The following MBNL1 variants were observed in gnomAD, a reference collection of about 807,000 sequenced individuals.
MBNL1 encodes the protein muscleblind-like protein 1.
Under a neutral mutation model 42.2 loss-of-function variants are expected in MBNL1, and 8 were observed. That is an observed-to-expected ratio of 0.19 (90% CI 0.11 to 0.34). MBNL1 has a LOEUF of 0.34. Among genes scored for constraint, MBNL1 ranks in the 10% least tolerant of loss-of-function variants. MBNL1 has a pLI of 1.00. For missense variants in MBNL1, 309 were observed against 495.3 expected, an observed-to-expected ratio of 0.62 and a Z score of 3.57; for synonymous variants, 169 against 173.9, an observed-to-expected ratio of 0.97 and a Z score of 0.22.
At chr3:152,360,767 T>TATACCATATACCA (rs1308257285) in intron 2 of MBNL1, among the ~76,000 whole-genome samples, 1 of 152,160 alleles carries the variant, frequency 6.6e-6, no homozygotes, top group Non-Finnish European at 1.5e-5. Context: ...TCAAGTAGAT[T>TATACCATATACCA]TTCCAGTTGT....
chr3:152,286,482 A>ATATT (rs570369048), intron 1 of MBNL1, among the ~76,000 whole-genome samples: 48 of 88,312 alleles, frequency 5.4e-4, no homozygotes, highest in African/African-American at 2.1e-3. Context: ...TATAATATAA[A>ATATT]TATATTTTAT....
intron 4 of MBNL1, among the ~76,000 whole-genome samples, chr3:152,433,717 T>C (rs2099039148): frequency 1.4e-5 from 2 of 138,038 alleles, no homozygotes; most frequent in South Asian, 2.3e-4. Flanking sequence ...GCCACTGCAC[T>C]CCAGCCTGGG....
At chr3:152,451,835 G>A (rs1191258086) in intron 6 of MBNL1, among the ~76,000 whole-genome samples, 1 of 151,866 alleles carries the variant, frequency 6.6e-6, no homozygotes, top group Non-Finnish European at 1.5e-5. Flanking sequence ...TTTTCACAAC[G>A]CCCAGAAGGT....
intron 2 of MBNL1, among the ~76,000 whole-genome samples, chr3:152,405,935 A>G (rs1365816890): frequency 6.6e-6 from 1 of 152,162 alleles, no homozygotes; most frequent in Non-Finnish European, 1.5e-5. Flanking sequence ...TAGAAATCTG[A>G]TTGTTGCTGT....
intron 1 of MBNL1, among the ~76,000 whole-genome samples, chr3:152,292,995 C>A (rs2056841606): frequency 6.6e-6 from 1 of 152,104 alleles, no homozygotes; most frequent in Non-Finnish European, 1.5e-5. Context: ...TCTCGAACAC[C>A]TGGCCTCAAG....
At position 152,404,393 on chromosome 3, in the gene MBNL1, A is replaced by G. The variant is rs571861893; in HGVS notation, c.175-10548A>G. ...TGACATAGGTTGTTGGAAACATATT[A>G]CATAATATTATACTTTGAAATTTAT... On this transcript the variant is annotated intron_variant, in intron 2 of 9. Transcript: ENST00000324210. Among the ~76,000 whole-genome samples, 29 of 152,326 alleles carry G rather than the reference A, an allele frequency of 1.9e-4. No homozygotes were observed. In the South Asian group the frequency reaches 2.9e-3, roughly 15 times the overall value.
At chr3:152,309,793 C>CT (rs34404754) in intron 2 of MBNL1, among the ~76,000 whole-genome samples, 17,290 of 152,136 alleles carry the variant, frequency 0.11, 1,201 homozygotes, top group Middle Eastern at 0.17. Context: ...CGTTCATAGA[C>CT]TGGAAATAAG....
intron 2 of MBNL1, among the ~76,000 whole-genome samples, chr3:152,410,557 T>C (rs2098542745): frequency 1.3e-5 from 2 of 152,250 alleles, no homozygotes; most frequent in African/African-American, 4.8e-5. Flanking sequence ...TTTGTTGGAT[T>C]AATTCTATTT....
chr3:152,399,203 G>C (rs899706248), intron 2 of MBNL1, among the ~76,000 whole-genome samples: 1 of 152,254 alleles, frequency 6.6e-6, no homozygotes, highest in African/African-American at 2.4e-5. Context: ...ATACAAATGA[G>C]CTATTCTGAA....
chr3:152,403,206 A>T (rs199743849), intron 2 of MBNL1, among the ~76,000 whole-genome samples: 2 of 40,972 alleles, frequency 4.9e-5, no homozygotes, highest in Non-Finnish European at 1.3e-4. Flanking sequence ...CTGGTTTGTT[A>T]AAAAAAAAAC....
At chr3:152,316,680 A>G (rs2071755025) in intron 2 of MBNL1, among the ~76,000 whole-genome samples, 1 of 152,058 alleles carries the variant, frequency 6.6e-6, no homozygotes, top group African/African-American at 2.4e-5. Flanking sequence ...CTGATTAACA[A>G]CCATTCCTTT....
At chr3:152,335,645 A>G (rs539310394) in intron 2 of MBNL1, among the ~76,000 whole-genome samples, 1 of 151,550 alleles carries the variant, frequency 6.6e-6, no homozygotes, top group Non-Finnish European at 1.5e-5. Context: ...ACAACAGTAG[A>G]TTATAGGATT....
At chr3:152,270,647 C>A (rs2040916196) in intron 1 of MBNL1, among the ~76,000 whole-genome samples, 1 of 152,184 alleles carries the variant, frequency 6.6e-6, no homozygotes, top group Non-Finnish European at 1.5e-5. Context: ...TAGATAGAGG[C>A]ACTGAATAAG....
chr3:152,426,389 A>G (rs1442703356), intron 3 of MBNL1, among the ~76,000 whole-genome samples: 1 of 152,208 alleles, frequency 6.6e-6, no homozygotes, highest in African/African-American at 2.4e-5. Context: ...AAACTTCTGG[A>G]TTCTTTTTCC....
intron 2 of MBNL1, among the ~76,000 whole-genome samples, chr3:152,370,581 T>C (rs1216369209): frequency 1.3e-5 from 2 of 152,210 alleles, no homozygotes; most frequent in Non-Finnish European, 2.9e-5. Flanking sequence ...TTGATCTGTC[T>C]AATATTGACA....
intron 3 of MBNL1, among the ~76,000 whole-genome samples, chr3:152,419,685 T>G (rs1022302520): frequency 7.4e-5 from 11 of 149,194 alleles, no homozygotes; most frequent in African/African-American, 2.2e-4. Flanking sequence ...GCAGGAGTTT[T>G]TTTGTTTGTT....
At chr3:152,458,104 T>C in intron 8 of MBNL1, 1 of 1,609,384 alleles carries the variant, frequency 6.2e-7, no homozygotes, top group Non-Finnish European at 8.5e-7. Context: ...CGATTGGTGT[T>C]GAAGGTCCTT....
chr3:152,310,262 G>A (rs1410569739), intron 2 of MBNL1, among the ~76,000 whole-genome samples: 1 of 152,144 alleles, frequency 6.6e-6, no homozygotes, highest in African/African-American at 2.4e-5. Context: ...TGATTTTTAG[G>A]TAGCACATGT....
At chr3:152,424,763 A>G (rs764112539) in intron 3 of MBNL1, among the ~76,000 whole-genome samples, 1 of 152,200 alleles carries the variant, frequency 6.6e-6, no homozygotes, top group Non-Finnish European at 1.5e-5. Context: ...GGCCTCAGAA[A>G]TCACACCACA....
Sources: gnomAD v4.1 joint callset for allele counts (sites outside exome capture counted in the v4.1 genomes callset) on GRCh38, gnomAD v4.1.1 for gene constraint, MANE v1.5 for transcripts, NCBI Gene and HGNC (gene_info 2026-07-23, HGNC 2026-07-21) for gene names.